The following SORCS1 variants were observed in gnomAD, a reference collection of about 807,000 sequenced individuals.
The protein encoded by SORCS1 is VPS10 domain-containing receptor SorCS1.
Under a neutral mutation model 146.1 loss-of-function variants are expected in SORCS1, and 60 were observed. The ratio of observed to expected loss-of-function variants is 0.41; its 90% CI spans 0.33 to 0.51. The LOEUF (loss-of-function observed/expected upper bound fraction) is 0.51, where lower values mean the gene tolerates loss of function less well. Ranked by LOEUF, SORCS1 falls within the 20% of genes least tolerant of loss-of-function variation. The pLI is 0.21. For missense variants in SORCS1, 1,352 were observed against 1,487.6 expected (o/e 0.91, Z 1.50); for synonymous variants, 637 against 584.0 (o/e 1.09, Z -1.31).
At chr10:106,886,463 A>G (rs897030792) in intron 2 of SORCS1, among the ~76,000 whole-genome samples, 1 of 151,810 alleles carries the variant, frequency 6.6e-6, no homozygotes, top group African/African-American at 2.4e-5. Context: ...ACACACACAC[A>G]CTCTCTGTTA....
chr10:106,691,445 GA>G (rs1853287181), intron 9 of SORCS1, among the ~76,000 whole-genome samples: 1 of 152,160 alleles, frequency 6.6e-6, no homozygotes, highest in African/African-American at 2.4e-5. Context: ...TTTGCTACCA[GA>G]CATCTCAAAA....
At chr10:106,954,073 C>T (rs1179742738) in intron 2 of SORCS1, among the ~76,000 whole-genome samples, 1 of 152,182 alleles carries the variant, frequency 6.6e-6, no homozygotes, top group African/African-American at 2.4e-5. Context: ...AGTAACAATG[C>T]CCCTTCATGG....
chr10:107,026,996 T>A (rs1439854432), intron 1 of SORCS1, among the ~76,000 whole-genome samples: 2 of 149,278 alleles, frequency 1.3e-5, no homozygotes, highest in East Asian at 3.9e-4. Context: ...GTAATTAAGG[T>A]GCTTGACTAT....
At chr10:106,760,845 A>G (rs1184915696) in intron 5 of SORCS1, among the ~76,000 whole-genome samples, 1 of 152,054 alleles carries the variant, frequency 6.6e-6, no homozygotes, top group Admixed American at 6.6e-5. Context: ...GCTGGCTCAC[A>G]CCTGTAATCC....
At chr10:107,047,451 G>A (rs1440495078) in intron 1 of SORCS1, among the ~76,000 whole-genome samples, 1 of 152,062 alleles carries the variant, frequency 6.6e-6, no homozygotes, top group Non-Finnish European at 1.5e-5. Context: ...TGTTACTGTC[G>A]CTTTAACTCA....
At chr10:107,048,618 A>G (rs530584591) in intron 1 of SORCS1, among the ~76,000 whole-genome samples, 1 of 152,342 alleles carries the variant, frequency 6.6e-6, no homozygotes, top group Admixed American at 6.5e-5. Context: ...TTTATGGCGT[A>G]CGTGAAGATG....
intron 2 of SORCS1, among the ~76,000 whole-genome samples, chr10:106,954,763 G>A (rs1037912570): frequency 4.0e-5 from 6 of 151,636 alleles, no homozygotes; most frequent in Non-Finnish European, 2.9e-5. Flanking sequence ...TTCTACCTAC[G>A]GCCTGCACCT....
intron 2 of SORCS1, among the ~76,000 whole-genome samples, chr10:106,931,806 G>A (rs1223700976): frequency 6.6e-6 from 1 of 152,106 alleles, no homozygotes; most frequent in Non-Finnish European, 1.5e-5. Flanking sequence ...TTTCCTGCCT[G>A]CCATGCTGTG....
chr10:106,744,553 TA>T (rs1857584058), intron 5 of SORCS1, among the ~76,000 whole-genome samples: 2 of 152,244 alleles, frequency 1.3e-5, no homozygotes, highest in South Asian at 4.1e-4. Flanking sequence ...TTTAAGTCCA[TA>T]AGGTATAAGA....
chr10:106,597,911 T>C (rs1846000505), intron 23 of SORCS1, among the ~76,000 whole-genome samples: 1 of 152,192 alleles, frequency 6.6e-6, no homozygotes, highest in African/African-American at 2.4e-5. Flanking sequence ...ATAGTTCTGC[T>C]AAAATATGCA....
At chr10:106,607,886 T>C (rs1243339822) in intron 22 of SORCS1, among the ~76,000 whole-genome samples, 1 of 152,132 alleles carries the variant, frequency 6.6e-6, no homozygotes, top group Non-Finnish European at 1.5e-5. Flanking sequence ...GAGGCCCCTG[T>C]TGACTTTTCT....
At chr10:106,699,168 G>C in intron 9 of SORCS1, 46 bp downstream of exon 9, 1 of 1,516,362 alleles carries the variant, frequency 6.6e-7, no homozygotes, top group African/African-American at 1.4e-5. Context: ...CCATCAGCCA[G>C]CTGGGCACTG....
intron 24 of SORCS1, among the ~76,000 whole-genome samples, chr10:106,590,677 T>C (rs866430515): frequency 2.0e-5 from 3 of 152,160 alleles, no homozygotes; most frequent in East Asian, 1.9e-4. Flanking sequence ...TGTTTTGAGA[T>C]GGAGTCTTGC....
rs1333411597 is a variant in SORCS1 at position 107,156,408 on chromosome 10, A to G, written c.558+7561T>C. ...CGTAGTTCATAAAGGTGTCGTGATA[A>G]TCAAGTGAAATCATGTGGTGATGTT... is the stretch of plus-strand genomic sequence containing the variant. On this transcript the variant is annotated intron_variant, in intron 1 of 25. Transcript: ENST00000263054. 6.6e-5 allele frequency among the ~76,000 whole-genome samples: 10 copies of G among 152,298 alleles called. 2 individuals are homozygous for G. The highest frequency in any genetic ancestry group is 6.5e-4 in the Admixed American group (10 of 15,300).
chr10:107,117,219 A>T (rs1036162679), intron 1 of SORCS1, among the ~76,000 whole-genome samples: 3 of 152,220 alleles, frequency 2.0e-5, no homozygotes, highest in African/African-American at 7.2e-5. Flanking sequence ...CCCAAGCAGG[A>T]AAACTGCCAG....
chr10:106,620,768 C>A (rs1322006), intron 19 of SORCS1, among the ~76,000 whole-genome samples: 1 of 152,136 alleles, frequency 6.6e-6, no homozygotes, highest in African/African-American at 2.4e-5. Context: ...ACTTACCAAT[C>A]TTTCTACCAG....
intron 2 of SORCS1, among the ~76,000 whole-genome samples, chr10:106,936,585 A>G (rs1330580321): frequency 6.6e-6 from 1 of 152,228 alleles, no homozygotes; most frequent in African/African-American, 2.4e-5. Flanking sequence ...CAATAAGTCT[A>G]TATGAGATAA....
intron 1 of SORCS1, among the ~76,000 whole-genome samples, chr10:107,064,391 C>T (rs1040071932): frequency 1.3e-5 from 2 of 152,178 alleles, no homozygotes; most frequent in African/African-American, 4.8e-5. Flanking sequence ...ACTTTTCCTA[C>T]CCGGGGGAAA....
At chr10:106,755,594 G>GTGTGTGTA (rs1323875761) in intron 5 of SORCS1, among the ~76,000 whole-genome samples, 1 of 152,082 alleles carries the variant, frequency 6.6e-6, no homozygotes, top group African/African-American at 2.4e-5. Context: ...TTGTGTGTGT[G>GTGTGTGTA]TGTGTGTGTG....
Sources: gnomAD v4.1 joint callset for allele counts (sites outside exome capture counted in the v4.1 genomes callset) on GRCh38, gnomAD v4.1.1 for gene constraint, MANE v1.5 for transcripts, NCBI Gene and HGNC (gene_info 2026-07-23, HGNC 2026-07-21) for gene names.